Variants in METTL25 observed in about 807,000 individuals in gnomAD.
METTL25 encodes probable methyltransferase-like protein 25.
A neutral mutation model predicts 71.6 loss-of-function variants in METTL25; 64 were observed. That is an observed-to-expected ratio of 0.89 (90% CI 0.73 to 1.10). METTL25 has a LOEUF of 1.10. Among genes scored for constraint, METTL25 ranks in the 50% least tolerant of loss-of-function variants. METTL25 has a pLI of 0.00. For missense variants in METTL25, 807 were observed against 707.0 expected, an observed-to-expected ratio of 1.14 and a Z score of -1.60; for synonymous variants, 287 against 250.3, an observed-to-expected ratio of 1.15 and a Z score of -1.38.
chr12:82,402,951 C>G (rs1231636421), intron 4 of METTL25, 32 bp from the exon 5 acceptor site: 1 of 1,535,764 alleles, frequency 6.5e-7, no homozygotes, highest in Admixed American at 2.1e-5. Flanking sequence ...TTTTTAATTA[C>G]CAAATTTTAT....
intron 1 of METTL25, among the ~76,000 whole-genome samples, chr12:82,362,359 C>T (rs1236337164): frequency 2.6e-5 from 4 of 152,222 alleles, no homozygotes; most frequent in Admixed American, 2.0e-4. Flanking sequence ...GGGCAATTTA[C>T]TTCAACTCGT....
intron 5 of METTL25, among the ~76,000 whole-genome samples, chr12:82,427,834 A>G (rs375264312): frequency 6.6e-6 from 1 of 151,968 alleles, no homozygotes; most frequent in African/African-American, 2.4e-5. Context: ...TTGCTGAGCT[A>G]TAAAAAGTTT....
intron 9 of METTL25, among the ~76,000 whole-genome samples, chr12:82,465,876 AT>A (rs1892197099): frequency 6.6e-6 from 1 of 150,946 alleles, no homozygotes; most frequent in South Asian, 2.1e-4. Context: ...GCATTTTCTA[AT>A]TTTTTGGTGT....
intron 9 of METTL25, among the ~76,000 whole-genome samples, chr12:82,459,178 T>A (rs1344250512): frequency 2.0e-5 from 3 of 152,096 alleles, no homozygotes; most frequent in African/African-American, 7.2e-5. Flanking sequence ...GGCAAAAATG[T>A]TAGAATTATC....
chr12:82,462,525 T>C (rs186124657), intron 9 of METTL25, among the ~76,000 whole-genome samples: 1 of 152,316 alleles, frequency 6.6e-6, no homozygotes, highest in East Asian at 1.9e-4. Context: ...TATACATGTC[T>C]ATAACATGAG....
chr12:82,451,456 T>C (rs1362987287), intron 8 of METTL25: 1 of 158,718 alleles, frequency 6.3e-6, no homozygotes, highest in African/African-American at 2.4e-5. Context: ...TTAATAGCAG[T>C]ACCTACCTCA....
At chr12:82,469,141 G>C (rs1892420942) in intron 9 of METTL25, among the ~76,000 whole-genome samples, 2 of 152,098 alleles carry the variant, frequency 1.3e-5, no homozygotes. Flanking sequence ...CCATCACTAA[G>C]GGGATGTCTA....
At chr12:82,439,674 T>G (rs1333420502) in intron 8 of METTL25, among the ~76,000 whole-genome samples, 2 of 151,772 alleles carry the variant, frequency 1.3e-5, no homozygotes, top group African/African-American at 2.4e-5. Context: ...TGTATCTCAG[T>G]CTCCATTCTC....
chr12:82,469,317 G>C (rs1361955665), intron 9 of METTL25, among the ~76,000 whole-genome samples: 3 of 152,046 alleles, frequency 2.0e-5, no homozygotes, highest in Non-Finnish European at 4.4e-5. Flanking sequence ...CCCGAGACTG[G>C]GTAATTTATA....
intron 8 of METTL25, among the ~76,000 whole-genome samples, chr12:82,441,119 G>A (rs142916356): frequency 2.0e-5 from 3 of 152,140 alleles, no homozygotes; most frequent in East Asian, 1.9e-4. Flanking sequence ...GATTTATACT[G>A]TAAGAGTTAA....
chr12:82,442,921 T>C (rs183910362), intron 8 of METTL25, among the ~76,000 whole-genome samples: 1 of 151,760 alleles, frequency 6.6e-6, no homozygotes, highest in Non-Finnish European at 1.5e-5. Flanking sequence ...AATTTATGGA[T>C]AGTCTTAACA....
At chr12:82,362,200 A>G (rs1882023385) in intron 1 of METTL25, among the ~76,000 whole-genome samples, 2 of 152,182 alleles carry the variant, frequency 1.3e-5, no homozygotes, top group South Asian at 2.1e-4. Flanking sequence ...TTGTTCGTCT[A>G]AAAAGAACTA....
Position 82,459,195 on chromosome 12 carries a change from G to C in METTL25, c.1572+2375G>C, listed in dbSNP as rs1279391548. 1.6e-4 allele frequency among the ~76,000 whole-genome samples: 25 copies of C among 152,046 alleles called. 1 individual carries two copies. Among genetic ancestry groups the C allele is most frequent in the Non-Finnish European group, 1.5e-5 (1 of 68,026 alleles). ...CAAAAATGTTAGAATTATCAGACCA[G>C]GAATTTAAAACAATAATGAGTAATA... On this transcript the variant is annotated intron_variant, in intron 9 of 11. Transcript: ENST00000248306.
chr12:82,360,185 A>G (rs1881644465), intron 1 of METTL25, among the ~76,000 whole-genome samples: 1 of 152,184 alleles, frequency 6.6e-6, no homozygotes, highest in Non-Finnish European at 1.5e-5. Flanking sequence ...AGAGTGTAAG[A>G]CTTTAATACG....
chr12:82,364,041 G>A (rs1023719521), intron 1 of METTL25, among the ~76,000 whole-genome samples: 2 of 152,152 alleles, frequency 1.3e-5, no homozygotes, highest in African/African-American at 4.8e-5. Flanking sequence ...CACACTTACC[G>A]ACACACAATT....
At position 82,400,890 on chromosome 12, in the gene METTL25, A is replaced by G. The variant is rs1428815059; in HGVS notation, c.1131+1496A>G. Among the ~76,000 whole-genome samples, 8 of 152,190 alleles carry G rather than the reference A, an allele frequency of 5.3e-5. No individual in the cohort carries two copies. In the East Asian group the frequency reaches 1.5e-3, roughly 29 times the overall value. On this transcript the variant is annotated intron_variant, in intron 4 of 11. Coordinates refer to ENST00000248306, the MANE Select transcript of METTL25 (RefSeq NM_032230.3). ...TAACTAATCTTATATGATAAATACA[A>G]TAAAGAATGAGGTTAAATGTTCTTT...
intron 9 of METTL25, among the ~76,000 whole-genome samples, chr12:82,458,259 A>C (rs1592756941): frequency 6.6e-6 from 1 of 152,186 alleles, no homozygotes; most frequent in Non-Finnish European, 1.5e-5. Context: ...ACTTTGCACA[A>C]AAACATTTAC....
chr12:82,476,454 A>G (rs979859365), intron 9 of METTL25, 190 bp from the exon 10 acceptor site: 4 of 536,398 alleles, frequency 7.5e-6, no homozygotes, highest in African/African-American at 5.9e-5. Flanking sequence ...TGCATAACCT[A>G]TATCAGTGTA....
intron 1 of METTL25, among the ~76,000 whole-genome samples, chr12:82,374,764 A>G (rs1241896795): frequency 6.6e-6 from 1 of 152,244 alleles, no homozygotes; most frequent in Non-Finnish European, 1.5e-5. Context: ...AGTTAGAAAC[A>G]TGGAGCAAAG....
Sources: gnomAD v4.1 joint callset for allele counts (sites outside exome capture counted in the v4.1 genomes callset) on GRCh38, gnomAD v4.1.1 for gene constraint, MANE v1.5 for transcripts, NCBI Gene and HGNC (gene_info 2026-07-23, HGNC 2026-07-21) for gene names.